DNM3: variants seen among roughly 807,000 people sequenced by gnomAD.
DNM3 encodes the protein dynamin-3.
A neutral mutation model predicts 101.6 loss-of-function variants in DNM3; 47 were observed. That is an observed-to-expected ratio of 0.46 (90% CI 0.37 to 0.59). DNM3 has a LOEUF of 0.59. Among genes scored for constraint, DNM3 ranks in the 20% least tolerant of loss-of-function variants. The pLI, the probability that DNM3 is intolerant of heterozygous loss-of-function variation, is 0.00. For synonymous variants in DNM3, 385 were observed against 387.9 expected, an observed-to-expected ratio of 0.99 and a Z score of 0.09; for missense variants, 849 against 1,085.7, an observed-to-expected ratio of 0.78 and a Z score of 3.06.
At chr1:172,130,849 T>C (rs1287644933) in intron 13 of DNM3, among the ~76,000 whole-genome samples, 2 of 152,148 alleles carry the variant, frequency 1.3e-5, no homozygotes. Context: ...CAACTAAATA[T>C]GTTTTAATTG....
At chr1:172,402,592 A>C (rs1250731549) in intron 20 of DNM3, among the ~76,000 whole-genome samples, 1 of 152,182 alleles carries the variant, frequency 6.6e-6, no homozygotes, top group Non-Finnish European at 1.5e-5. Flanking sequence ...GCTGGACTTC[A>C]ATCCTACCCT....
chr1:171,909,032 T>G (rs1281258620), intron 1 of DNM3, among the ~76,000 whole-genome samples: 1 of 152,142 alleles, frequency 6.6e-6, no homozygotes, highest in Non-Finnish European at 1.5e-5. Context: ...ATGTGCCATG[T>G]GTAGTAGTGG....
At chr1:171,990,747 T>C (rs935438672) in intron 4 of DNM3, among the ~76,000 whole-genome samples, 3 of 152,122 alleles carry the variant, frequency 2.0e-5, no homozygotes, top group Non-Finnish European at 4.4e-5. Flanking sequence ...CTCCAATTCT[T>C]AGGCCTTTCC....
In DNM3 at chr1:172,410,649, A is replaced by G. The variant is rs2071152627; in HGVS notation, c.*2808A>G. On this transcript the variant is annotated 3_prime_UTR_variant, in exon 21 of 21. Transcript: ENST00000627582. ...ACATCTACCAAGGTTACTCGTCTGA[A>G]TATTGCTTTTAGCCGTGTTTTATAA... The G allele has an allele frequency of 1.0e-6, 1 of 985,236 alleles. No individual in the cohort carries two copies. Among genetic ancestry groups the G allele is most frequent in the Non-Finnish European group, 1.2e-6 (1 of 829,856 alleles). The allele number at this position is 985,236 out of a possible 1,614,324, so 61.0% of individuals were successfully genotyped here.
At chr1:171,957,495 G>T (rs2042944022) in intron 2 of DNM3, among the ~76,000 whole-genome samples, 1 of 152,106 alleles carries the variant, frequency 6.6e-6, no homozygotes, top group Admixed American at 6.6e-5. Flanking sequence ...ACTATGCCCG[G>T]CCCAGTGTTT....
At chr1:172,082,270 G>A (rs1262215495) in intron 12 of DNM3, among the ~76,000 whole-genome samples, 3 of 150,656 alleles carry the variant, frequency 2.0e-5, no homozygotes, top group Admixed American at 2.0e-4. Flanking sequence ...AATACCACAT[G>A]TAATTTACAG....
intron 20 of DNM3, among the ~76,000 whole-genome samples, chr1:172,404,410 T>G (rs2070733169): frequency 6.6e-6 from 1 of 152,030 alleles, no homozygotes; most frequent in Non-Finnish European, 1.5e-5. Flanking sequence ...TGGTAGTGAA[T>G]AAGACTAACA....
intron 15 of DNM3, among the ~76,000 whole-genome samples, chr1:172,306,930 G>A (rs1210199830): frequency 6.6e-6 from 1 of 152,118 alleles, no homozygotes; most frequent in Non-Finnish European, 1.5e-5. Flanking sequence ...AACCCTAGAA[G>A]AAAACCTAGG....
At chr1:172,299,523 C>T (rs2064333957) in intron 15 of DNM3, among the ~76,000 whole-genome samples, 1 of 152,002 alleles carries the variant, frequency 6.6e-6, no homozygotes, top group African/African-American at 2.4e-5. Flanking sequence ...GGTTTTTCAA[C>T]CCTTCCTCCC....
intron 4 of DNM3, among the ~76,000 whole-genome samples, chr1:172,016,149 T>G (rs546151511): frequency 6.7e-6 from 1 of 148,352 alleles, no homozygotes; most frequent in Non-Finnish European, 1.5e-5. Flanking sequence ...ATTGTGCCAC[T>G]GCACTCCAGT....
chr1:172,286,123 C>T (rs2063691453), intron 15 of DNM3, among the ~76,000 whole-genome samples: 2 of 150,272 alleles, frequency 1.3e-5, no homozygotes, highest in Admixed American at 1.3e-4. Context: ...ATGAAAGATC[C>T]CACACAGAGT....
At chr1:172,172,549 G>T (rs1185872047) in intron 14 of DNM3, among the ~76,000 whole-genome samples, 11 of 151,534 alleles carry the variant, frequency 7.3e-5, no homozygotes, top group Non-Finnish European at 4.4e-5. Context: ...AATATTTTTG[G>T]ACCACAGCTG....
At chr1:172,099,838 T>A (rs569266237) in intron 13 of DNM3, among the ~76,000 whole-genome samples, 1 of 152,256 alleles carries the variant, frequency 6.6e-6, no homozygotes, top group East Asian at 1.9e-4. Flanking sequence ...CTAAAAATAT[T>A]TGTGGAACAT....
chr1:172,362,395 G>T (rs2067787147), intron 17 of DNM3, among the ~76,000 whole-genome samples: 1 of 151,880 alleles, frequency 6.6e-6, no homozygotes, highest in South Asian at 2.1e-4. Context: ...GATTCAAAGG[G>T]GCAACATGGC....
intron 15 of DNM3, among the ~76,000 whole-genome samples, chr1:172,292,285 G>T (rs2586396): frequency 0.086 from 13,070 of 152,108 alleles, 698 homozygotes; most frequent in African/African-American, 0.15. Context: ...GGTTGCCTCA[G>T]GCAGTGTCAC....
intron 13 of DNM3, among the ~76,000 whole-genome samples, chr1:172,101,903 G>A (rs1204885633): frequency 6.6e-6 from 1 of 151,650 alleles, no homozygotes; most frequent in African/African-American, 2.4e-5. Context: ...CTGTTGCCCA[G>A]GCTGGAGTGC....
intron 1 of DNM3, among the ~76,000 whole-genome samples, chr1:171,858,024 T>C (rs2033795685): frequency 6.6e-6 from 1 of 152,162 alleles, no homozygotes; most frequent in Non-Finnish European, 1.5e-5. Context: ...ACCAGCTGAA[T>C]CTTAATTTTG....
intron 14 of DNM3, among the ~76,000 whole-genome samples, chr1:172,173,089 G>T (rs2059022052): frequency 1.3e-5 from 2 of 151,826 alleles, no homozygotes; most frequent in African/African-American, 2.4e-5. Context: ...TCTGGTAGAG[G>T]TGTGAAGGAT....
chr1:172,027,758 G>A (rs1265524921), intron 4 of DNM3, among the ~76,000 whole-genome samples: 1 of 152,062 alleles, frequency 6.6e-6, no homozygotes, highest in Admixed American at 6.6e-5. Flanking sequence ...GCAAAAAAAA[G>A]CAGAGATTGC....
Sources: gnomAD v4.1 joint callset for allele counts (sites outside exome capture counted in the v4.1 genomes callset) on GRCh38, gnomAD v4.1.1 for gene constraint, MANE v1.5 for transcripts, NCBI Gene and HGNC (gene_info 2026-07-23, HGNC 2026-07-21) for gene names.